Variants in KCNH7 observed in about 807,000 individuals in gnomAD.
KCNH7 encodes voltage-gated inwardly rectifying potassium channel KCNH7.
Under a neutral mutation model 120.8 loss-of-function variants are expected in KCNH7, and 49 were observed. The observed-to-expected ratio is 0.41, with a 90% CI of 0.32 to 0.51. The LOEUF is 0.51. KCNH7 is among the 20% of genes least tolerant of loss of function. KCNH7 has a pLI of 0.38. For synonymous variants in KCNH7, 547 were observed against 516.1 expected, an observed-to-expected ratio of 1.06 and a Z score of -0.81; for missense variants, 1,097 against 1,446.6, an observed-to-expected ratio of 0.76 and a Z score of 3.92.
chr2:162,553,217 T>C (rs1466000506), intron 2 of KCNH7, among the ~76,000 whole-genome samples: 1 of 151,968 alleles, frequency 6.6e-6, no homozygotes, highest in Non-Finnish European at 1.5e-5. Flanking sequence ...CTGGTAGATG[T>C]TTCAGTAGAG....
chr2:162,739,606 T>G (rs539252944), intron 2 of KCNH7, among the ~76,000 whole-genome samples: 1 of 152,284 alleles, frequency 6.6e-6, no homozygotes, highest in South Asian at 2.1e-4. Flanking sequence ...AGGATTTTTC[T>G]GTCTCCCTTA....
chr2:162,797,963 T>C (rs546027002), intron 2 of KCNH7: 1 of 152,232 alleles, frequency 6.6e-6, no homozygotes, highest in East Asian at 1.9e-4. Context: ...AAAGGAAGAC[T>C]ATTTCTGTTT....
intron 2 of KCNH7, among the ~76,000 whole-genome samples, chr2:162,604,565 T>C (rs961368797): frequency 6.6e-6 from 1 of 151,998 alleles, no homozygotes; most frequent in African/African-American, 2.4e-5. Context: ...TTATAGGCAA[T>C]ATACCCCAAC....
At chr2:162,521,448 C>T (rs1379343842) in intron 3 of KCNH7, among the ~76,000 whole-genome samples, 1 of 151,734 alleles carries the variant, frequency 6.6e-6, no homozygotes, top group Non-Finnish European at 1.5e-5. Context: ...AACTCTATAC[C>T]ACGTCCTCTC....
intron 3 of KCNH7, among the ~76,000 whole-genome samples, chr2:162,531,723 T>A (rs1198571583): frequency 6.6e-6 from 1 of 151,948 alleles, no homozygotes; most frequent in African/African-American, 2.4e-5. Flanking sequence ...TATAATATTG[T>A]TCAGGGAAAA....
chr2:162,796,590 T>C (rs1684156076), intron 2 of KCNH7: 1 of 152,082 alleles, frequency 6.6e-6, no homozygotes, highest in Non-Finnish European at 1.5e-5. Context: ...CAGTGCAAAA[T>C]ATGTGATATC....
chr2:162,373,747 G>T, intron 14 of KCNH7, 85 bp from the exon 15 acceptor site: 1 of 870,684 alleles, frequency 1.1e-6, no homozygotes, highest in African/African-American at 1.8e-5. Context: ...GCACTACCAA[G>T]AAACAGAATT....
rs955597778 is a variant in KCNH7, at chr2:162,824,890, T to C, written c.307+11647A>G. 1.2e-4 allele frequency among the ~76,000 whole-genome samples: 18 copies of C among 152,096 alleles called. No homozygotes were observed. In the South Asian group the frequency reaches 2.1e-3, roughly 18 times the overall value. ...GGGAGAGAGTATATTTTAATCTCAA[T>C]GTATATATGTATATTCAAATAAAAA... On this transcript the variant is annotated intron_variant, in intron 2 of 15. Transcript: ENST00000332142.
chr2:162,607,874 G>T (rs1257804441), intron 2 of KCNH7, among the ~76,000 whole-genome samples: 1 of 151,876 alleles, frequency 6.6e-6, no homozygotes, highest in Non-Finnish European at 1.5e-5. Context: ...TATACTTTGG[G>T]CCCCTCCAAA....
chr2:162,579,001 T>G lies in KCNH7; in HGVS notation c.308-41921A>C, dbSNP rs1208742932. ...ACGCATCTACTGAAACGCCTACACT[T>G]GGACTGATTGGATCATAAAATAATC... is the stretch of plus-strand genomic sequence containing the variant. On this transcript the variant is annotated intron_variant, in intron 2 of 15. Coordinates refer to ENST00000332142, the MANE Select transcript of KCNH7 (RefSeq NM_033272.4). Among the ~76,000 whole-genome samples the G allele has an allele frequency of 2.6e-5, 4 of 151,970 alleles. No individual in the cohort carries two copies. The East Asian group carries it at 5.8e-4, about 22-fold the overall frequency.
At chr2:162,479,489 T>C (rs1689854206) in intron 6 of KCNH7, among the ~76,000 whole-genome samples, 1 of 152,186 alleles carries the variant, frequency 6.6e-6, no homozygotes, top group South Asian at 2.1e-4. Flanking sequence ...CTTTGACAAT[T>C]TAAGCATAAA....
intron 2 of KCNH7, among the ~76,000 whole-genome samples, chr2:162,725,981 TTTA>T (rs1687501193): frequency 6.6e-6 from 1 of 152,222 alleles, no homozygotes; most frequent in African/African-American, 2.4e-5. Flanking sequence ...CAGTCACGAT[TTTA>T]TTATCATGCT....
At chr2:162,671,214 C>T (rs948342108) in intron 2 of KCNH7, among the ~76,000 whole-genome samples, 1 of 151,852 alleles carries the variant, frequency 6.6e-6, no homozygotes, top group Admixed American at 6.6e-5. Flanking sequence ...GATATCTATC[C>T]AAAAGGAAAG....
intron 11 of KCNH7, among the ~76,000 whole-genome samples, chr2:162,394,690 C>T (rs1256353474): frequency 1.3e-5 from 2 of 151,846 alleles, no homozygotes; most frequent in African/African-American, 4.8e-5. Context: ...AGTACTTTCA[C>T]CATTTGCTGG....
intron 2 of KCNH7, among the ~76,000 whole-genome samples, chr2:162,738,219 T>C (rs925924856): frequency 4.6e-5 from 7 of 152,072 alleles, no homozygotes; most frequent in African/African-American, 1.7e-4. Context: ...ATGATATGTG[T>C]GTGTGCATAT....
At chr2:162,553,664 G>GAAAAT (rs1365743614) in intron 2 of KCNH7, among the ~76,000 whole-genome samples, 5 of 151,920 alleles carry the variant, frequency 3.3e-5, no homozygotes, top group Admixed American at 3.3e-4. Context: ...GAAAAGAAAA[G>GAAAAT]AAAAGAAAAG....
At chr2:162,492,286 T>C (rs1690336270) in intron 6 of KCNH7, among the ~76,000 whole-genome samples, 1 of 152,230 alleles carries the variant, frequency 6.6e-6, no homozygotes, top group Non-Finnish European at 1.5e-5. Context: ...AACGTGGGCC[T>C]AGTCTCCCAT....
At chr2:162,372,844 CAAAA>C (rs768071927) in intron 15 of KCNH7, among the ~76,000 whole-genome samples, 1 of 152,104 alleles carries the variant, frequency 6.6e-6, no homozygotes. Flanking sequence ...TAACATAATT[CAAAA>C]GGACCCCTTT....
intron 2 of KCNH7, among the ~76,000 whole-genome samples, chr2:162,634,879 C>A (rs1683902515): frequency 6.6e-6 from 1 of 151,950 alleles, no homozygotes. Context: ...AGACAATAGT[C>A]AAAAAATATT....
Sources: gnomAD v4.1 joint callset for allele counts (sites outside exome capture counted in the v4.1 genomes callset) on GRCh38, gnomAD v4.1.1 for gene constraint, MANE v1.5 for transcripts, NCBI Gene and HGNC (gene_info 2026-07-23, HGNC 2026-07-21) for gene names.